USP31: variants seen among roughly 807,000 people sequenced by gnomAD.
USP31 encodes the protein ubiquitin specific peptidase 31.
Under a neutral mutation model 119.4 loss-of-function variants are expected in USP31, and 44 were observed. The observed-to-expected ratio is 0.37, with a 90% CI of 0.29 to 0.47. The LOEUF (loss-of-function observed/expected upper bound fraction) is 0.47. Among genes scored for constraint, USP31 ranks in the 20% least tolerant of loss-of-function variants. USP31 has a pLI of 0.99. For missense variants in USP31, 1,643 were observed against 1,730.2 expected (o/e 0.95, Z 0.89); for synonymous variants, 749 against 705.6 (o/e 1.06, Z -0.97).
At chr16:23,114,370 G>C (rs1266459805) in intron 1 of USP31, among the ~76,000 whole-genome samples, 1 of 151,578 alleles carries the variant, frequency 6.6e-6, no homozygotes, top group Non-Finnish European at 1.5e-5. Context: ...GCATAGAGTT[G>C]GGCCACACAA....
rs1290580228 is a variant in USP31, at chr16:23,064,475, A to AT, written c.*3570dup. The AT allele has an allele frequency of 3.3e-5, 5 of 152,172 alleles. No homozygotes were observed. Among genetic ancestry groups the AT allele is most frequent in the East Asian group, 1.9e-4 (1 of 5,188 alleles). The allele number at this position is 152,172 out of a possible 1,614,324, so 9.4% of individuals were successfully genotyped here. A position where few individuals can be genotyped will look rare whatever the true frequency, so the allele number is the denominator to read the frequency against. On this transcript the variant is annotated 3_prime_UTR_variant, in exon 16 of 16. Coordinates refer to ENST00000219689, the MANE Select transcript of USP31 (RefSeq NM_020718.4). ...AATCCCACATCCGTCTCATACAAAC[A>AT]TAAGATGACCCAATGTTAACGTAAA...
chr16:23,117,870 A>G (rs1902546719), intron 1 of USP31, among the ~76,000 whole-genome samples: 1 of 150,618 alleles, frequency 6.6e-6, no homozygotes, highest in African/African-American at 2.4e-5. Flanking sequence ...GCTCACTGCA[A>G]CCTCCGCCTC....
rs1266306353 is a variant in USP31, at chr16:23,108,069, GCTT to G, written c.745_747del (p.Lys249del). The G allele has an allele frequency of 1.2e-6, 2 of 1,613,870 alleles. No homozygotes were observed. Among genetic ancestry groups the G allele is most frequent in the African/African-American group, 2.7e-5 (2 of 75,034 alleles). ...ACCTTCAGAGGAGGCTGGCCACTCT[GCTT>G]CACTGAATGGTTGAGGTCTTCATGA... On this transcript the variant is annotated inframe_deletion, in exon 2 of 16. Coordinates refer to ENST00000219689, the MANE Select transcript of USP31 (RefSeq NM_020718.4).
chr16:23,104,711 C>T (rs574862682), intron 5 of USP31, among the ~76,000 whole-genome samples: 1 of 152,172 alleles, frequency 6.6e-6, no homozygotes, highest in Non-Finnish European at 1.5e-5. Flanking sequence ...CCAGAAGCTA[C>T]TATCTAGGGA....
At chr16:23,075,931 T>A (rs1900552150) in intron 13 of USP31, among the ~76,000 whole-genome samples, 2 of 151,822 alleles carry the variant, frequency 1.3e-5, no homozygotes, top group Non-Finnish European at 2.9e-5. Context: ...TACAAAAAAA[T>A]TTAAAAATTA....
At chr16:23,088,333 G>A (rs1337889773) in intron 7 of USP31, among the ~76,000 whole-genome samples, 1 of 152,152 alleles carries the variant, frequency 6.6e-6, no homozygotes, top group Non-Finnish European at 1.5e-5. Flanking sequence ...GTGGTTCTTG[G>A]CCTCAGCTGC....
chr16:23,136,443 A>G (rs1404713518), intron 1 of USP31, among the ~76,000 whole-genome samples: 1 of 152,218 alleles, frequency 6.6e-6, no homozygotes, highest in Non-Finnish European at 1.5e-5. Context: ...ACCTGAGGTC[A>G]GGAGTTCGAG....
chr16:23,068,552 G>A lies in USP31; in HGVS notation c.3553C>T (p.Arg1185Ter), dbSNP rs774678428. 1.1e-5 allele frequency: 17 copies of A among 1,613,920 alleles called. No individual in the cohort carries two copies. The highest frequency in any genetic ancestry group is 1.7e-5 in the Admixed American group (1 of 60,000). ...KPNSPRVSQA[R>*]AGEGRGAGKH... Reference sequence around the variant, plus strand: ...CCGGCCCCCCTGCCCTCCCCTGCTCGGGCCTGGCTCACCCGAGGGGAATTG... The same window carrying A: ...CCGGCCCCCCTGCCCTCCCCTGCTCAGGCCTGGCTCACCCGAGGGGAATTG... The change falls in exon 16 of 16, where the codon CGA (arginine) becomes TGA (stop). Residue 1185 changes from arginine (R) to a stop codon, truncating the protein, a stop_gained. Coordinates refer to ENST00000219689, the MANE Select transcript of USP31 (RefSeq NM_020718.4). LOFTEE classifies it high-confidence loss of function.
At chr16:23,085,075 A>C in intron 10 of USP31, 86 bp from the exon 11 acceptor site, 1 of 1,521,650 alleles carries the variant, frequency 6.6e-7, no homozygotes, top group Non-Finnish European at 8.8e-7. Flanking sequence ...AAGTGACTAC[A>C]AACTCATAAC....
In USP31 at chr16:23,108,055, A is replaced by C. The variant is rs754398579; in HGVS notation, c.762T>G (p.Pro254=). ...CAGCATGCGTCCTTACCTTCAGAGG[A>C]GGCTGGCCACTCTGCTTCACTGAAT... is the stretch of plus-strand genomic sequence containing the variant. The part of the protein sequence containing the change: ...LNHSVKQSGQ[P]PLKPPSETDM... Residue 254 remains proline, a synonymous_variant, in exon 2 of 16, where the codon CCT becomes CCG. Coordinates refer to ENST00000219689, the MANE Select transcript of USP31 (RefSeq NM_020718.4). The C allele has an allele frequency of 2.4e-4, 388 of 1,613,228 alleles. No individual in the cohort carries two copies. The highest frequency in any genetic ancestry group is 3.1e-4 in the Non-Finnish European group (371 of 1,179,732).
chr16:23,095,103 A>G (rs1901544135), intron 6 of USP31, among the ~76,000 whole-genome samples: 1 of 152,216 alleles, frequency 6.6e-6, no homozygotes, highest in South Asian at 2.1e-4. Context: ...CTTGAAAAAA[A>G]GGTTAGACAA....
chr16:23,148,879 C>G lies in USP31; in HGVS notation c.392G>C (p.Arg131Pro). The change falls in exon 1 of 16, where the codon CGC becomes CCC. Residue 131 changes from arginine (R) to proline (P), a missense_variant. Physicochemically the swap from Arg to Pro is moderately radical, Grantham distance 103. Transcript: ENST00000219689. ...AEPVPGVAGL[R>P]NHGNTCFMNA... ...CATGAAGCACGTGTTGCCGTGGTTG[C>G]GGAGCCCCGCCACGCCGGGCACCGG... 6.8e-7 allele frequency: 1 copy of G among 1,465,994 alleles called. No individual in the cohort carries two copies. The highest frequency in any genetic ancestry group is 1.4e-5 in the South Asian group (1 of 71,724). 90.8% of individuals were successfully genotyped at this position (1,465,994 alleles called of 1,614,324 possible).
chr16:23,115,517 A>G (rs1393750698), intron 1 of USP31, among the ~76,000 whole-genome samples: 1 of 152,198 alleles, frequency 6.6e-6, no homozygotes, highest in Non-Finnish European at 1.5e-5. Context: ...AGAAAATAGA[A>G]AAGAAAAGAA....
chr16:23,079,782 T>C, intron 13 of USP31, 164 bp downstream of exon 13: 1 of 609,492 alleles, frequency 1.6e-6, no homozygotes, highest in South Asian at 2.8e-5. Flanking sequence ...AGAATGTTCG[T>C]TTATTTGCTC....
intron 6 of USP31, among the ~76,000 whole-genome samples, chr16:23,092,692 A>G (rs1901419946): frequency 6.6e-6 from 1 of 152,296 alleles, no homozygotes. Context: ...AAACACAAAC[A>G]AGCACCTGGG....
chr16:23,143,842 C>A (rs1424992250), intron 1 of USP31, among the ~76,000 whole-genome samples: 2 of 152,088 alleles, frequency 1.3e-5, no homozygotes, highest in Non-Finnish European at 2.9e-5. Flanking sequence ...GCTGTGACAA[C>A]CAAGTAGGGT....
chr16:23,090,736 T>G lies in USP31; in HGVS notation c.1303A>C (p.Thr435Pro). Residue 435 changes from threonine to proline, a missense_variant, in exon 7 of 16, where the codon ACA becomes CCA. Thr to Pro is a conservative substitution (Grantham distance 38). Coordinates refer to ENST00000219689, the MANE Select transcript of USP31 (RefSeq NM_020718.4). The part of the protein sequence containing the change: ...GLDYHRLSSP[T>P]QTAAKQGKMD... Reference sequence around the variant, plus strand: ...TTCCCCTGCTTTGCTGCTGTTTGTGTAGGAGAAGACAGTCTATGATAATCC... The same window carrying G: ...TTCCCCTGCTTTGCTGCTGTTTGTGGAGGAGAAGACAGTCTATGATAATCC... The G allele has an allele frequency of 6.2e-7, 1 of 1,614,064 alleles. No individual in the cohort carries two copies. Among genetic ancestry groups the G allele is most frequent in the Non-Finnish European group, 8.5e-7 (1 of 1,179,920 alleles).
intron 1 of USP31, among the ~76,000 whole-genome samples, chr16:23,147,479 T>C (rs769567329): frequency 9.8e-5 from 15 of 152,304 alleles, no homozygotes; most frequent in Admixed American, 3.3e-4. Context: ...TCACATCATG[T>C]TCCCCTTCTG....
chr16:23,105,403 T>C (rs1266207028), intron 5 of USP31, 38 bp downstream of exon 5: 1 of 1,519,300 alleles, frequency 6.6e-7, no homozygotes, highest in Non-Finnish European at 8.9e-7. Context: ...GCAATACTTT[T>C]GTGGCTCATG....
Sources: allele counts gnomAD v4.1 joint callset (sites outside exome capture counted in the v4.1 genomes callset), GRCh38; gene constraint gnomAD v4.1.1; transcripts MANE v1.5; gene names NCBI Gene and HGNC (gene_info 2026-07-23, HGNC 2026-07-21).